Variants in CEP44 observed in about 807,000 individuals in gnomAD.
The protein encoded by CEP44 is centrosomal protein of 44 kDa.
A neutral mutation model predicts 46.7 loss-of-function variants in CEP44; 45 were observed. The ratio of observed to expected loss-of-function variants is 0.96; its 90% CI spans 0.76 to 1.24. The LOEUF (loss-of-function observed/expected upper bound fraction) is 1.24, where lower values mean the gene tolerates loss of function less well. Ranked by LOEUF, CEP44 falls within the 50% of genes most tolerant of loss-of-function variation. The pLI is 0.00. For missense variants in CEP44, 475 were observed against 459.7 expected, an observed-to-expected ratio of 1.03 and a Z score of -0.30; for synonymous variants, 142 against 146.0, an observed-to-expected ratio of 0.97 and a Z score of 0.20.
At chr4:174,285,752 A>C (rs1347064315) in intron 1 of CEP44, among the ~76,000 whole-genome samples, 1 of 152,316 alleles carries the variant, frequency 6.6e-6, no homozygotes, top group African/African-American at 2.4e-5. Flanking sequence ...AACCCGAAAG[A>C]AGCTCAGACC....
At chr4:174,328,668 TTTC>T (rs774438259) in intron 8 of CEP44, among the ~76,000 whole-genome samples, 14 of 152,176 alleles carry the variant, frequency 9.2e-5, no homozygotes, top group Non-Finnish European at 1.9e-4. Flanking sequence ...CTCAAACTTA[TTTC>T]TTTCATTTTT....
intron 5 of CEP44, 30 bp from the exon 6 acceptor site, chr4:174,304,217 T>A: frequency 6.4e-7 from 1 of 1,561,800 alleles, no homozygotes; most frequent in East Asian, 2.3e-5. Flanking sequence ...ACACAAAATT[T>A]GTTATTTTGA....
rs965575198 is a variant in CEP44, at chr4:174,286,860, G to A, written c.-148+2917G>A. Among the ~76,000 whole-genome samples, 4 of 152,168 alleles carry A rather than the reference G, an allele frequency of 2.6e-5. No individual in the cohort carries two copies. The highest frequency in any genetic ancestry group is 9.7e-5 in the African/African-American group (4 of 41,446). On this transcript the variant is annotated intron_variant, in intron 1 of 11. Transcript: ENST00000503780. This position sits in a 1 kb window ranked among gnomAD's most constrained non-coding sequence, Gnocchi z 5.2. ...TTTTCTGTTGTGTACATTCTTCAGA[G>A]TCATATTCCTGTTTCATAGGCCCCA...
chr4:174,308,907 A>G (rs1288224812), intron 7 of CEP44, 48 bp downstream of exon 7: 1 of 1,486,046 alleles, frequency 6.7e-7, no homozygotes. Flanking sequence ...TTTTACTTAA[A>G]TATGTGTAAT....
rs368350522 is a variant in CEP44 at position 174,297,002 on chromosome 4, A to G, written c.-147-964A>G. 1.3e-5 allele frequency among the ~76,000 whole-genome samples: 2 copies of G among 152,176 alleles called. No homozygotes were observed. The highest frequency in any genetic ancestry group is 3.9e-4 in the East Asian group (2 of 5,176). On this transcript the variant is annotated intron_variant, in intron 1 of 11. Coordinates refer to ENST00000503780, the MANE Select transcript of CEP44 (RefSeq NM_001040157.3). The surrounding 1 kb of genome is among the most constrained non-coding windows in gnomAD (Gnocchi z 4.3). ...TGTCCCTAATAACTTTCCTTATTAT[A>G]AAGTCTGCTGTCTGAGATTATTATA...
In CEP44 at chr4:174,285,259, T is replaced by G. The variant is rs79602150; in HGVS notation, c.-148+1316T>G. ...TGAAAGTAAGGTGTTAAAATGTACA[T>G]AAGTAATAGATTGGCTTCTTTTAAT... is the stretch of plus-strand genomic sequence containing the variant. On this transcript the variant is annotated intron_variant, in intron 1 of 11. Transcript: ENST00000503780. 9.1e-3 allele frequency among the ~76,000 whole-genome samples: 1,392 copies of G among 152,334 alleles called. 30 individuals carry two copies. The highest frequency in any genetic ancestry group is 0.031 in the African/African-American group (1,305 of 41,558).
chr4:174,296,009 A>C (rs1174039559), intron 1 of CEP44, among the ~76,000 whole-genome samples: 1 of 152,206 alleles, frequency 6.6e-6, no homozygotes, highest in African/African-American at 2.4e-5. Flanking sequence ...AGAATGTTGT[A>C]CTAAGCCCCT....
chr4:174,300,693 C>T (rs1157879264), intron 3 of CEP44, among the ~76,000 whole-genome samples: 2 of 152,158 alleles, frequency 1.3e-5, no homozygotes, highest in East Asian at 3.9e-4. Flanking sequence ...CTCCCTGCCA[C>T]ACACATTTAA....
rs1244089918 is a variant in CEP44 at position 174,309,289 on chromosome 4, C to CT, written c.678+432dup. Among the ~76,000 whole-genome samples the CT allele has an allele frequency of 6.6e-6, 1 of 152,030 alleles. No homozygotes were observed. Among genetic ancestry groups the CT allele is most frequent in the African/African-American group, 2.4e-5 (1 of 41,400 alleles). On this transcript the variant is annotated intron_variant, in intron 7 of 11. Transcript: ENST00000503780. The surrounding 1 kb of genome is among the most constrained non-coding windows in gnomAD (Gnocchi z 5.3). Reference sequence around the variant, plus strand: ...CTCTTAAAAAACCATTTCTATTACTCTTAATTGCCACAGACCCCAATATGT... The same window carrying CT: ...CTCTTAAAAAACCATTTCTATTACTCTTTAATTGCCACAGACCCCAATATGT...
rs753476569 is a variant in CEP44, at chr4:174,312,899, T to G, written c.961+2041T>G. On this transcript the variant is annotated intron_variant, in intron 9 of 11. Coordinates refer to ENST00000503780, the MANE Select transcript of CEP44 (RefSeq NM_001040157.3). This position sits in a 1 kb window ranked among gnomAD's most constrained non-coding sequence, Gnocchi z 4.5. The stretch of plus-strand genomic sequence containing the variant: ...TGTGAGGTTCCAGATTTGTTTTGCC[T>G]TTATCAGGAATACAGTGTTCCATGG... Among the ~76,000 whole-genome samples, 1 of 152,182 alleles carries G rather than the reference T, an allele frequency of 6.6e-6. No homozygotes were observed. Among genetic ancestry groups the G allele is most frequent in the African/African-American group, 2.4e-5 (1 of 41,448 alleles).
Position 174,286,707 on chromosome 4 carries a change from C to T in CEP44, c.-148+2764C>T, listed in dbSNP as rs991183808. ...TCCTTTGATAATCTAATGAAAGTCC[C>T]ACTCCATGCAAGAAAATTAGTCATT... is the stretch of plus-strand genomic sequence containing the variant. On this transcript the variant is annotated intron_variant, in intron 1 of 11. Transcript: ENST00000503780. This position sits in a 1 kb window ranked among gnomAD's most constrained non-coding sequence, Gnocchi z 5.2. Among the ~76,000 whole-genome samples the T allele has an allele frequency of 6.6e-6, 1 of 152,174 alleles. No homozygotes were observed. The highest frequency in any genetic ancestry group is 1.5e-5 in the Non-Finnish European group (1 of 68,018).
rs1253451013 is a variant in CEP44, at chr4:174,309,140, C to G, written c.678+281C>G. On this transcript the variant is annotated intron_variant, in intron 7 of 11. Transcript: ENST00000503780. The surrounding 1 kb of genome is among the most constrained non-coding windows in gnomAD (Gnocchi z 5.3). ...GAATCTACAATTTAGTGAGACATAG[C>G]GATATGCTACTTTGCATAGTGGAGG... Among the ~76,000 whole-genome samples, 1 of 152,032 alleles carries G rather than the reference C, an allele frequency of 6.6e-6. No homozygotes were observed. The highest frequency in any genetic ancestry group is 2.4e-5 in the African/African-American group (1 of 41,412).
rs1276544461 is a variant in CEP44 at position 174,286,294 on chromosome 4, A to C, written c.-148+2351A>C. 6.6e-6 allele frequency among the ~76,000 whole-genome samples: 1 copy of C among 152,184 alleles called. No homozygotes were observed. Among genetic ancestry groups the C allele is most frequent in the Admixed American group, 6.5e-5 (1 of 15,276 alleles). ...ATCGGTGACCTTCTTACCTTTCCTT[A>C]TTTAAAGATAGAGAAACGGTGTGTA... On this transcript the variant is annotated intron_variant, in intron 1 of 11. Coordinates refer to ENST00000503780, the MANE Select transcript of CEP44 (RefSeq NM_001040157.3). This position sits in a 1 kb window ranked among gnomAD's most constrained non-coding sequence, Gnocchi z 5.2.
chr4:174,303,797 A>G lies in CEP44; in HGVS notation c.332A>G (p.Asp111Gly). Residue 111 changes from aspartate to glycine, a missense_variant, in exon 5 of 12, where the codon GAT becomes GGT. Physicochemically the swap from Asp to Gly is moderately conservative, Grantham distance 94 (BLOSUM62 -1). Coordinates refer to ENST00000503780, the MANE Select transcript of CEP44 (RefSeq NM_001040157.3). ...FAEWKIQIVC[D>G]ILNCVMKKHK... ...GAATGGAAAATCCAAATTGTTTGTGATATTTTGAATTGTGTGATGAAAAAG... is the reference window on the plus strand; with the variant it reads ...GAATGGAAAATCCAAATTGTTTGTGGTATTTTGAATTGTGTGATGAAAAAG... 1 of 1,574,368 alleles carries G rather than the reference A, an allele frequency of 6.4e-7. No individual in the cohort carries two copies. The highest frequency in any genetic ancestry group is 8.7e-7 in the Non-Finnish European group (1 of 1,150,484).
At chr4:174,327,370 T>C (rs1742748199) in intron 8 of CEP44, among the ~76,000 whole-genome samples, 1 of 151,826 alleles carries the variant, frequency 6.6e-6, no homozygotes, top group Non-Finnish European at 1.5e-5. Context: ...TCAATACAGA[T>C]TAATTCTTAC....
At chr4:174,330,045 C>G (rs942802496) in intron 8 of CEP44, among the ~76,000 whole-genome samples, 1 of 151,952 alleles carries the variant, frequency 6.6e-6, no homozygotes, top group African/African-American at 2.4e-5. Flanking sequence ...TTTAATTGTT[C>G]AAAGTAACAC....
chr4:174,302,575 T>A (rs1203179112), intron 4 of CEP44, among the ~76,000 whole-genome samples: 2 of 152,100 alleles, frequency 1.3e-5, no homozygotes, highest in African/African-American at 2.4e-5. Context: ...ATTTTTTTTT[T>A]ATTAAACTGA....
Position 174,309,937 on chromosome 4 carries a change from AAAAG to A in CEP44, c.767_770del (p.Lys256SerfsTer2). On this transcript the variant is annotated frameshift_variant, in exon 8 of 12. Transcript: ENST00000503780. LOFTEE classifies it high-confidence loss of function. The surrounding 1 kb of genome is among the most constrained non-coding windows in gnomAD (Gnocchi z 5.3). ...TCTTAAGAAACTGACTTCGATAGAG[AAAAG>A]GTTAGACTGTTTGGAACAAAAAATG... The A allele has an allele frequency of 6.2e-7, 1 of 1,612,772 alleles. No individual in the cohort carries two copies. Among genetic ancestry groups the A allele is most frequent in the Non-Finnish European group, 8.5e-7 (1 of 1,179,190 alleles).
intron 1 of CEP44, among the ~76,000 whole-genome samples, chr4:174,294,632 G>GC (rs1463915967): frequency 6.6e-6 from 1 of 151,582 alleles, no homozygotes; most frequent in Non-Finnish European, 1.5e-5. Context: ...GGGCAGAGGC[G>GC]CCCCTCACCT....
Sources: gnomAD v4.1 joint callset for allele counts (sites outside exome capture counted in the v4.1 genomes callset) on GRCh38, gnomAD v4.1.1 for gene constraint, Gnocchi (gnomAD v3.1) non-coding constraint, MANE v1.5 for transcripts, NCBI Gene and HGNC (gene_info 2026-07-23, HGNC 2026-07-21) for gene names.